Variants in ZNF678 observed in about 807,000 individuals in gnomAD.
The protein encoded by ZNF678 is zinc finger protein 678, also known as hypothetical protein MGC42493.
In ZNF678, 5 loss-of-function variants were observed where a neutral mutation model predicts 3.0. The observed-to-expected ratio is 1.69, with a 90% CI of 0.88 to 3.56. The LOEUF is 3.56. ZNF678 is among the 30% of genes most tolerant of loss of function. The pLI, the probability that ZNF678 is intolerant of heterozygous loss-of-function variation, is 0.00. For synonymous variants in ZNF678, 218 were observed against 199.6 expected, an observed-to-expected ratio of 1.09 and a Z score of -0.78; for missense variants, 593 against 605.0, an observed-to-expected ratio of 0.98 and a Z score of 0.21.
At chr1:227,591,813 C>G (rs1657421512) in intron 1 of ZNF678, among the ~76,000 whole-genome samples, 1 of 152,168 alleles carries the variant, frequency 6.6e-6, no homozygotes, top group African/African-American at 2.4e-5. Context: ...TTTCTCCTAC[C>G]TCAGTGACTT....
chr1:227,600,289 A>G (rs887347948), intron 1 of ZNF678, among the ~76,000 whole-genome samples: 4 of 152,202 alleles, frequency 2.6e-5, no homozygotes. Context: ...ATGTGTCTTT[A>G]TGATAGAATG....
At chr1:227,676,694 C>G (rs544378386) in intron 5 of ZNF678, among the ~76,000 whole-genome samples, 1 of 146,358 alleles carries the variant, frequency 6.8e-6, no homozygotes, top group East Asian at 2.1e-4. Flanking sequence ...ACAACAGGCC[C>G]CGGTGTGTGA....
At chr1:227,579,554 T>A (rs1430197019) in intron 1 of ZNF678, among the ~76,000 whole-genome samples, 7 of 151,990 alleles carry the variant, frequency 4.6e-5, no homozygotes, top group Non-Finnish European at 1.0e-4. Flanking sequence ...AGCAAAGTGA[T>A]GTGGGAAGTT....
chr1:227,653,222 T>A (rs887286769), intron 3 of ZNF678, among the ~76,000 whole-genome samples: 3 of 152,086 alleles, frequency 2.0e-5, no homozygotes, highest in African/African-American at 7.2e-5. Flanking sequence ...AAAATCTTGC[T>A]TATAATGTGT....
rs752970327 is a variant in ZNF678 at position 227,643,166 on chromosome 1, TAGG to T, written c.-163-3357_-163-3355del. On this transcript the variant is annotated intron_variant, in intron 1 of 3. Coordinates refer to ENST00000343776, the MANE Select transcript of ZNF678 (RefSeq NM_001367909.1). ...CATTCCTGAACAGAATTATTAGTAGTAGGAGGAGGAGGAGGAGGAGGAGTTAGT... is the reference window on the plus strand; with the variant it reads ...CATTCCTGAACAGAATTATTAGTAGTAGGAGGAGGAGGAGGAGGAGTTAGT... Among the ~76,000 whole-genome samples the T allele has an allele frequency of 7.7e-4, 117 of 151,566 alleles. 2 individuals carry two copies. The highest frequency in any genetic ancestry group is 2.3e-3 in the African/African-American group (95 of 41,264).
chr1:227,586,819 A>G (rs978855507), intron 1 of ZNF678, among the ~76,000 whole-genome samples: 4 of 152,190 alleles, frequency 2.6e-5, no homozygotes, highest in Non-Finnish European at 5.9e-5. Context: ...TCTTAACCCT[A>G]ATAGGCAATT....
chr1:227,577,965 A>G (rs564507896), intron 1 of ZNF678, among the ~76,000 whole-genome samples: 18 of 152,258 alleles, frequency 1.2e-4, no homozygotes, highest in African/African-American at 4.3e-4. Flanking sequence ...TGCTTGTCTT[A>G]AAAGGATCTT....
rs1408530283 is a variant in ZNF678 at position 227,644,323 on chromosome 1, C to T, written c.-163-2221C>T. ...ATAATGTGAGGTTCCCTGTGTAATG[C>T]TTTGTAGTGTACTTCCGAGCACATA... is the stretch of plus-strand genomic sequence containing the variant. On this transcript the variant is annotated intron_variant, in intron 1 of 3. Coordinates refer to ENST00000343776, the MANE Select transcript of ZNF678 (RefSeq NM_001367909.1). Among the ~76,000 whole-genome samples, 12 of 152,278 alleles carry T rather than the reference C, an allele frequency of 7.9e-5. No homozygotes were observed. The East Asian group carries it at 2.3e-3, about 29-fold the overall frequency.
rs562730074 is a variant in ZNF678 at position 227,646,534 on chromosome 1, C to T, written c.-163-10C>T. 254 of 1,242,010 alleles carry T rather than the reference C, an allele frequency of 2.0e-4. No individual in the cohort carries two copies. The highest frequency in any genetic ancestry group is 4.5e-4 in the African/African-American group (14 of 31,230). The allele number at this position is 1,242,010 out of a possible 1,614,324, so 76.9% of individuals were successfully genotyped here. ...TTTTGTAAATACGTGTGTATTTTTC[C>T]CCCCCCCAGGGACTACTGGCATTCA... On this transcript the variant is annotated splice_polypyrimidine_tract_variant and intron_variant, in intron 1 of 3. Coordinates refer to ENST00000343776, the MANE Select transcript of ZNF678 (RefSeq NM_001367909.1).
At chr1:227,607,201 C>A (rs778884912) in intron 1 of ZNF678, among the ~76,000 whole-genome samples, 1 of 152,052 alleles carries the variant, frequency 6.6e-6, no homozygotes, top group Non-Finnish European at 1.5e-5. Flanking sequence ...TAATTTTTGT[C>A]TTCATATACG....
At position 227,565,121 on chromosome 1, in the gene ZNF678, A is replaced by G. The variant is rs375091521; in HGVS notation, c.-164+1397A>G. 3.0e-3 allele frequency among the ~76,000 whole-genome samples: 372 copies of G among 123,596 alleles called. 2 individuals carry two copies. The highest frequency in any genetic ancestry group is 0.011 in the African/African-American group (360 of 32,170). The allele number at this position is 123,596 out of a possible 152,430, so 81.1% of individuals were successfully genotyped here. On this transcript the variant is annotated intron_variant, in intron 1 of 3. Transcript: ENST00000343776. ...TCGCTCTGTTGCCAGGCTGGAGTGC[A>G]GTGGCGTGATCTCGGCTCACTGCAG... is the stretch of plus-strand genomic sequence containing the variant.
intron 1 of ZNF678, among the ~76,000 whole-genome samples, chr1:227,599,967 T>C (rs1258611620): frequency 1.3e-5 from 2 of 152,206 alleles, no homozygotes; most frequent in Non-Finnish European, 2.9e-5. Context: ...CTCCATCCTT[T>C]TGCTGTCTAC....
At chr1:227,598,613 A>G in intron 1 of ZNF678, 1 of 595,872 alleles carries the variant, frequency 1.7e-6, no homozygotes, top group Admixed American at 3.2e-5. Flanking sequence ...GTTTATCTTA[A>G]GAATTTATCG....
At chr1:227,598,796 A>G in intron 1 of ZNF678, 1 of 550,320 alleles carries the variant, frequency 1.8e-6, no homozygotes, top group East Asian at 4.0e-5. Flanking sequence ...TCTTATCCTC[A>G]TTTTCACAAT....
intron 1 of ZNF678, among the ~76,000 whole-genome samples, chr1:227,607,478 C>T (rs1329033842): frequency 6.6e-6 from 1 of 152,010 alleles, no homozygotes; most frequent in Non-Finnish European, 1.5e-5. Context: ...CTACTGTCCT[C>T]TTTGGTGTCA....
At chr1:227,597,431 T>G (rs989032708) in intron 1 of ZNF678, among the ~76,000 whole-genome samples, 2 of 152,238 alleles carry the variant, frequency 1.3e-5, no homozygotes, top group African/African-American at 4.8e-5. Flanking sequence ...GGCCAGATTT[T>G]GGGGGTCCTA....
intron 1 of ZNF678, among the ~76,000 whole-genome samples, chr1:227,618,722 GTTGTTTTTGTTT>G (rs796552272): frequency 2.9e-4 from 44 of 152,162 alleles, no homozygotes; most frequent in African/African-American, 9.9e-4. Flanking sequence ...TTTTGTTTTT[GTTGTTTTTGTTT>G]TTGTTTTTTT....
intron 1 of ZNF678, among the ~76,000 whole-genome samples, chr1:227,626,473 CCCT>C (rs1038282993): frequency 8.5e-5 from 13 of 152,114 alleles, no homozygotes; most frequent in African/African-American, 3.1e-4. Context: ...TAATTCCTTT[CCCT>C]CCTCTCAGGG....
downstream of ZNF678, among the ~76,000 whole-genome samples, chr1:227,664,787 A>G (rs992274899): frequency 1.3e-5 from 2 of 151,778 alleles, no homozygotes; most frequent in East Asian, 1.9e-4. Context: ...TCAGGGTTCT[A>G]TCCCCAGGAC....
Sources: allele counts gnomAD v4.1 joint callset (sites outside exome capture counted in the v4.1 genomes callset), GRCh38; gene constraint gnomAD v4.1.1; transcripts MANE v1.5; gene names NCBI Gene and HGNC (gene_info 2026-07-23, HGNC 2026-07-21).